TH: variants seen among roughly 807,000 people sequenced by gnomAD.
TH encodes the protein tyrosine hydroxylase, also known as tyrosine 3-monooxygenase.
A neutral mutation model predicts 57.4 loss-of-function variants in TH; 49 were observed. That is an observed-to-expected ratio of 0.85 (90% CI 0.68 to 1.08). The LOEUF (loss-of-function observed/expected upper bound fraction) is 1.08, where lower values mean the gene tolerates loss of function less well. Among genes scored for constraint, TH ranks in the 50% least tolerant of loss-of-function variants. The pLI is 0.00. For synonymous variants in TH, 330 were observed against 304.5 expected (o/e 1.08, Z -0.87); for missense variants, 720 against 696.7 (o/e 1.03, Z -0.38).
In TH at chr11:2,165,284, G is replaced by A. The variant is rs786204540; in HGVS notation, c.1282C>T (p.Gln428Ter). ...AVQPYQDQTY[Q>*]SVYFVSESFS... ...CTCTCAGACACGAAGTAGACTGACTGGTACGTCTGGTCTTGGTAGGGCTGC... is the reference window on the plus strand; with the variant it reads ...CTCTCAGACACGAAGTAGACTGACTAGTACGTCTGGTCTTGGTAGGGCTGC... Residue 428 changes from glutamine (Q) to a stop codon, truncating the protein, a stop_gained, in exon 12 of 13, where the codon CAG (glutamine) becomes TAG (stop). Transcript: ENST00000352909. LOFTEE classifies it high-confidence loss of function. 3.7e-6 allele frequency: 6 copies of A among 1,612,864 alleles called. No homozygotes were observed. Among genetic ancestry groups the A allele is most frequent in the Non-Finnish European group, 5.1e-6 (6 of 1,179,996 alleles).
At position 2,166,899 on chromosome 11, in the gene TH, G is replaced by C; in HGVS notation, c.829C>G (p.Arg277Gly). The change falls in exon 7 of 13, where the codon CGC (arginine) becomes GGC (glycine). Residue 277 changes from arginine to glycine, a missense_variant. Arg to Gly is a moderately radical substitution (Grantham distance 125). Coordinates refer to ENST00000352909, the MANE Select transcript of TH (RefSeq NM_000360.4). ...DNIPQLEDVS[R>G]FLKERTGFQL... is the part of the protein sequence containing the mutation. ...CGTCTGGGCACACCCTTCAGGAAGC[G>C]GGAGACGTCCTCCAGCTGGGGGATA... is the stretch of plus-strand genomic sequence containing the variant. 1 of 1,605,230 alleles carries C rather than the reference G, an allele frequency of 6.2e-7. No homozygotes were observed. The highest frequency in any genetic ancestry group is 2.2e-5 in the East Asian group (1 of 44,548).
chr11:2,165,271 A>G lies in TH; in HGVS notation c.1295T>C (p.Phe432Ser). The G allele has an allele frequency of 6.2e-7, 1 of 1,612,898 alleles. No individual in the cohort carries two copies. Among genetic ancestry groups the G allele is most frequent in the Non-Finnish European group, 8.5e-7 (1 of 1,179,988 alleles). The change falls in exon 12 of 13, where the codon TTC becomes TCC. Residue 432 changes from phenylalanine to serine, a missense_variant. Physicochemically the swap from Phe to Ser is radical, Grantham distance 155 (BLOSUM62 -2). Transcript: ENST00000352909. ...GGCGTCACTGAAGCTCTCAGACACG[A>G]AGTAGACTGACTGGTACGTCTGGTC... is the stretch of plus-strand genomic sequence containing the variant. Reference protein sequence around the residue: ...YQDQTYQSVYFVSESFSDAKD... With the variant: ...YQDQTYQSVYSVSESFSDAKD...
At chr11:2,167,688 G>A (rs1846137140) in intron 5 of TH, 178 bp downstream of exon 5, 1 of 1,093,970 alleles carries the variant, frequency 9.1e-7, no homozygotes, top group South Asian at 1.4e-5. Context: ...GCCCCCCTGG[G>A]CCTCAGTTTC....
In TH at chr11:2,166,677, G is replaced by A. The variant is rs755146302; in HGVS notation, c.933C>T (p.Thr311=). ...ASLAFRVFQC[T]QYIRHASSPM... is the part of the protein sequence containing the mutation. ...GCGAGGACGCGTGGCGGATATACTG[G>A]GTGCACTGGAACACGCGGAAGGCCA... The change falls in exon 8 of 13, where the codon ACC becomes ACT. Residue 311 remains threonine (T), a synonymous_variant. Coordinates refer to ENST00000352909, the MANE Select transcript of TH (RefSeq NM_000360.4). 5 of 1,566,302 alleles carry A rather than the reference G, an allele frequency of 3.2e-6. No homozygotes were observed. Among genetic ancestry groups the A allele is most frequent in the Admixed American group, 1.9e-5 (1 of 52,522 alleles).
At position 2,170,712 on chromosome 11, in the gene TH, G is replaced by T; in HGVS notation, c.91-841C>A. 1 of 1,605,808 alleles carries T rather than the reference G, an allele frequency of 6.2e-7. No homozygotes were observed. On this transcript the variant is annotated intron_variant, in intron 1 of 12. Coordinates refer to ENST00000352909, the MANE Select transcript of TH (RefSeq NM_000360.4). The surrounding 1 kb of genome is among the most constrained non-coding windows in gnomAD (Gnocchi z 6.0). The stretch of plus-strand genomic sequence containing the variant: ...TACCCTTGGGGTGGGGGTGTAGGAT[G>T]CAGCTGGGGCTGCAGTTCCAGGCCA...
intron 10 of TH, 91 bp from the exon 11 acceptor site, chr11:2,165,854 G>GAGGCCAGGCCAGGATGCAGGC (rs1453357727): frequency 2.6e-6 from 4 of 1,528,296 alleles, no homozygotes; most frequent in Non-Finnish European, 3.6e-6. Context: ...CACCCCCAGG[G>GAGGCCAGGCCAGGATGCAGGC]AGGCCAGGCC....
Position 2,165,480 on chromosome 11 carries a change from C to T in TH, c.1201-115G>A. The T allele has an allele frequency of 3.3e-6, 5 of 1,518,912 alleles. No homozygotes were observed. The South Asian group carries it at 3.4e-5, about 10-fold the overall frequency. The allele number at this position is 1,518,912 out of a possible 1,614,324, so 94.1% of individuals were successfully genotyped here. A position where few individuals can be genotyped will look rare whatever the true frequency, so the allele number is the denominator to read the frequency against. On this transcript the variant is annotated intron_variant, in intron 11 of 12. Coordinates refer to ENST00000352909, the MANE Select transcript of TH (RefSeq NM_000360.4). ...TTGGGTAGAGTCACCCCCATCTCCCCCGCCGGGCCTTCGGAGGCCTGGGAT... is the reference window on the plus strand; with the variant it reads ...TTGGGTAGAGTCACCCCCATCTCCCTCGCCGGGCCTTCGGAGGCCTGGGAT...
intron 3 of TH, 56 bp from the exon 4 acceptor site, chr11:2,168,235 C>T: frequency 1.3e-6 from 2 of 1,580,064 alleles, no homozygotes; most frequent in Non-Finnish European, 8.7e-7. Flanking sequence ...GGGGCTGTGT[C>T]ACCCACCTTG....
Position 2,166,761 on chromosome 11 carries a change from C to G in TH, c.849G>C (p.Thr283=), listed in dbSNP as rs892319076. 1.3e-6 allele frequency: 2 copies of G among 1,549,136 alleles called. No homozygotes were observed. Among genetic ancestry groups the G allele is most frequent in the Non-Finnish European group, 1.7e-6 (2 of 1,146,500 alleles). The part of the protein sequence containing the change: ...EDVSRFLKER[T]GFQLRPVAGL... Reference sequence around the variant, plus strand: ...CGGCCACAGGCCGCAGCTGGAAGCCCGTGCGCTCTGCAAGGGGCCACGCGG... The same window carrying G: ...CGGCCACAGGCCGCAGCTGGAAGCCGGTGCGCTCTGCAAGGGGCCACGCGG... Residue 283 remains threonine (T), a synonymous_variant, in exon 8 of 13, where the codon ACG becomes ACC. Coordinates refer to ENST00000352909, the MANE Select transcript of TH (RefSeq NM_000360.4).
In TH at chr11:2,170,025, G is replaced by C. The variant is rs1846210712; in HGVS notation, c.91-154C>G. ...CGCCTACTGTGTGCCTGCTGGGGCA[G>C]ATGCTAGCCGAGGTGCCTGCGGGCA... On this transcript the variant is annotated intron_variant, in intron 1 of 12. Coordinates refer to ENST00000352909, the MANE Select transcript of TH (RefSeq NM_000360.4). This position sits in a 1 kb window ranked among gnomAD's most constrained non-coding sequence, Gnocchi z 6.0. 6.6e-6 allele frequency among the ~76,000 whole-genome samples: 1 copy of C among 152,238 alleles called. No individual in the cohort carries two copies. Among genetic ancestry groups the C allele is most frequent in the African/African-American group, 2.4e-5 (1 of 41,462 alleles).
chr11:2,165,853 G>A, intron 10 of TH, 90 bp from the exon 11 acceptor site: 2 of 1,529,144 alleles, frequency 1.3e-6, no homozygotes, highest in Non-Finnish European at 1.8e-6. Flanking sequence ...CCACCCCCAG[G>A]GAGGCCAGGC....
intron 6 of TH, 145 bp downstream of exon 6, chr11:2,167,290 C>G: frequency 9.1e-7 from 1 of 1,096,018 alleles, no homozygotes; most frequent in Non-Finnish European, 1.3e-6. Context: ...CCCAACCCAA[C>G]ATTCTGAGCC....
chr11:2,165,454 C>T lies in TH; in HGVS notation c.1201-89G>A, dbSNP rs923217274. 5.7e-6 allele frequency: 9 copies of T among 1,580,304 alleles called. No individual in the cohort carries two copies. The South Asian group carries it at 1.0e-4, about 18-fold the overall frequency. On this transcript the variant is annotated intron_variant, in intron 11 of 12. Transcript: ENST00000352909. ...CCGTGGCCTGACGCTGGGTGGGTTC[C>T]TTGGGTAGAGTCACCCCCATCTCCC...
chr11:2,166,878 TG>T lies in TH; in HGVS notation c.841+8del. The T allele has an allele frequency of 6.2e-7, 1 of 1,604,554 alleles. No individual in the cohort carries two copies. Among genetic ancestry groups the T allele is most frequent in the Non-Finnish European group, 8.5e-7 (1 of 1,176,598 alleles). The stretch of plus-strand genomic sequence containing the variant: ...CCCCCGGCTCTGCGCCCCTCCCGTC[TG>T]GGCACACCCTTCAGGAAGCGGGAGA... On this transcript the variant is annotated splice_region_variant and intron_variant, in intron 7 of 12. Coordinates refer to ENST00000352909, the MANE Select transcript of TH (RefSeq NM_000360.4).
At chr11:2,167,100 G>C (rs1324568388) in intron 6 of TH, 68 bp from the exon 7 acceptor site, 21 of 1,539,674 alleles carry the variant, frequency 1.4e-5, no homozygotes, top group Non-Finnish European at 1.7e-5. Flanking sequence ...CTCCTGAACT[G>C]TGGGTGCCTC....
Position 2,171,080 on chromosome 11 carries a change from C to A in TH, c.90+617G>T, listed in dbSNP as rs1043875846. Among the ~76,000 whole-genome samples, 8 of 113,814 alleles carry A rather than the reference C, an allele frequency of 7.0e-5. No individual in the cohort carries two copies. Among genetic ancestry groups the A allele is most frequent in the African/African-American group, 2.5e-4 (8 of 32,620 alleles). The allele number at this position is 113,814 out of a possible 152,430, so 74.7% of individuals were successfully genotyped here. A position where few individuals can be genotyped will look rare whatever the true frequency, so the allele number is the denominator to read the frequency against. On this transcript the variant is annotated intron_variant, in intron 1 of 12. Transcript: ENST00000352909. This position sits in a 1 kb window ranked among gnomAD's most constrained non-coding sequence, Gnocchi z 8.6. ...GTGCAGGTCACAGGGAACACAGACT[C>A]CATGGTGAATGAATGAATGAATGAA...
At position 2,168,564 on chromosome 11, in the gene TH, T is replaced by C. The variant is rs528105731; in HGVS notation, c.414A>G (p.Arg138=). 1.2e-6 allele frequency: 2 copies of C among 1,611,696 alleles called. No individual in the cohort carries two copies. Among genetic ancestry groups the C allele is most frequent in the East Asian group, 2.2e-5 (1 of 44,836 alleles). ...CACTGAGCAGGGCGGCCAGGTCCCC[T>C]CGGCGCACCTCGAGGCGCACGAAGT... ...LEYFVRLEVR[R]GDLAALLSGV... Residue 138 remains arginine (R), a synonymous_variant, in exon 3 of 13, where the codon CGA becomes CGG. Transcript: ENST00000352909.
At position 2,164,217 on chromosome 11, in the gene TH, C is replaced by G. The variant is rs553859914; in HGVS notation, c.*16G>C. 1.6e-5 allele frequency: 23 copies of G among 1,440,376 alleles called. No homozygotes were observed. The African/African-American group carries it at 2.8e-4, about 17-fold the overall frequency. 89.2% of individuals were successfully genotyped at this position (1,440,376 alleles called of 1,614,324 possible). A position where few individuals can be genotyped will look rare whatever the true frequency, so the allele number is the denominator to read the frequency against. On this transcript the variant is annotated 3_prime_UTR_variant, in exon 13 of 13. Transcript: ENST00000352909. ...ACCAGGGGAGGTTGGGAAGGGCCCT[C>G]AGGGACGCCGTGCACCTAGCCAATG...
rs1471194937 is a variant in TH, at chr11:2,169,732, TCCTTCTCCTCAAAGG to T, written c.215_229del (p.Ala72_Lys76del). The T allele has an allele frequency of 1.9e-6, 3 of 1,612,726 alleles. No individual in the cohort carries two copies. The East Asian group carries it at 6.7e-5, about 36-fold the overall frequency. On this transcript the variant is annotated inframe_deletion, in exon 2 of 13. Transcript: ENST00000352909. Reference sequence around the variant, plus strand: ...GAGCAGGTTTAGCACGGCCTTCCCCTCCTTCTCCTCAAAGGCCACAGCCTCCAGGGGGTCCCCGGG... The same window carrying T: ...GAGCAGGTTTAGCACGGCCTTCCCCTCCACAGCCTCCAGGGGGTCCCCGGG...
Sources: gnomAD v4.1 joint callset for allele counts (sites outside exome capture counted in the v4.1 genomes callset) on GRCh38, gnomAD v4.1.1 for gene constraint, Gnocchi (gnomAD v3.1) non-coding constraint, MANE v1.5 for transcripts, NCBI Gene and HGNC (gene_info 2026-07-23, HGNC 2026-07-21) for gene names.